TCEANC2: variants seen among roughly 807,000 people sequenced by gnomAD.
The protein encoded by TCEANC2 is transcription elongation factor A N-terminal and central domain containing 2, also known as transcription elongation factor A N-terminal and central domain-containing protein 2.
TCEANC2 carries 20 observed loss-of-function variants against 22.8 expected under a neutral mutation model. The ratio of observed to expected loss-of-function variants is 0.88; its 90% confidence interval spans 0.62 to 1.28. The LOEUF (loss-of-function observed/expected upper bound fraction) is 1.28. TCEANC2 is among the 50% of genes most tolerant of loss of function. TCEANC2 has a pLI of 0.00. For missense variants in TCEANC2, 251 were observed against 249.7 expected, an observed-to-expected ratio of 1.01 and a Z score of -0.03; for synonymous variants, 84 against 95.5, an observed-to-expected ratio of 0.88 and a Z score of 0.70.
intron 3 of TCEANC2, among the ~76,000 whole-genome samples, chr1:54,072,701 A>C (rs763263089): frequency 2.6e-5 from 4 of 152,140 alleles, no homozygotes; most frequent in Admixed American, 6.5e-5. Context: ...GGCCTCCCAA[A>C]GTGCTGGGAT....
chr1:54,068,793 C>T lies in TCEANC2; in HGVS notation c.140C>T (p.Thr47Ile), dbSNP rs150639315. The T allele has an allele frequency of 1.9e-6, 3 of 1,609,232 alleles. No individual in the cohort carries two copies. Among genetic ancestry groups the T allele is most frequent in the African/African-American group, 2.7e-5 (2 of 74,580 alleles). Reference sequence around the variant, plus strand: ...GTAGAAGACATAAAAAGATGGAAAACTATGCTGGAGCTTCCTGATCAAACC... The same window carrying T: ...GTAGAAGACATAAAAAGATGGAAAATTATGCTGGAGCTTCCTGATCAAACC... ...VVVEDIKRWKTMLELPDQTKE... is the reference protein window; with the variant it reads ...VVVEDIKRWKIMLELPDQTKE... Residue 47 changes from threonine (T) to isoleucine (I), a missense_variant, in exon 3 of 5, where the codon ACT becomes ATT. Transcript: ENST00000234827.
intron 3 of TCEANC2, among the ~76,000 whole-genome samples, chr1:54,073,435 C>T (rs1303806887): frequency 6.6e-6 from 1 of 152,228 alleles, no homozygotes; most frequent in African/African-American, 2.4e-5. Context: ...CTCCCCTCCT[C>T]GCTACTGGCC....
Position 54,102,752 on chromosome 1 carries a change from A to G in TCEANC2, c.*6279A>G, listed in dbSNP as rs1570033153. 2 of 152,298 alleles carry G rather than the reference A, an allele frequency of 1.3e-5. No individual in the cohort carries two copies. Among genetic ancestry groups the G allele is most frequent in the Admixed American group, 6.5e-5 (1 of 15,288 alleles). The allele number at this position is 152,298 out of a possible 1,614,324, so 9.4% of individuals were successfully genotyped here. On this transcript the variant is annotated 3_prime_UTR_variant, in exon 5 of 5. Coordinates refer to ENST00000234827, the MANE Select transcript of TCEANC2 (RefSeq NM_153035.3). ...TAGAAGAGAAAAAAAGCCATGCCTT[A>G]TCCTTAGATAGGTCAGCTCAGTGTG...
rs933024422 is a variant in TCEANC2 at position 54,097,464 on chromosome 1, G to A, written c.*991G>A. 3.3e-5 allele frequency: 5 copies of A among 152,106 alleles called. No homozygotes were observed. Among genetic ancestry groups the A allele is most frequent in the African/African-American group, 1.2e-4 (5 of 41,414 alleles). The allele number at this position is 152,106 out of a possible 1,614,324, so 9.4% of individuals were successfully genotyped here. A position where few individuals can be genotyped will look rare whatever the true frequency, so the allele number is the denominator to read the frequency against. ...ATTAGATTAGGGGAGACTGGAGCAC[G>A]TTTGTAATCTGAAAGGAAAGAGCTG... On this transcript the variant is annotated 3_prime_UTR_variant, in exon 5 of 5. Coordinates refer to ENST00000234827, the MANE Select transcript of TCEANC2 (RefSeq NM_153035.3).
intron 2 of TCEANC2, among the ~76,000 whole-genome samples, chr1:54,065,718 T>C (rs891329222): frequency 6.8e-6 from 1 of 147,004 alleles, no homozygotes; most frequent in Admixed American, 6.8e-5. Flanking sequence ...GTCTCAAAAA[T>C]ATATATATAT....
chr1:54,096,519 C>T lies in TCEANC2; in HGVS notation c.*46C>T. 6.4e-7 allele frequency: 1 copy of T among 1,553,576 alleles called. No homozygotes were observed. On this transcript the variant is annotated 3_prime_UTR_variant, in exon 5 of 5. Coordinates refer to ENST00000234827, the MANE Select transcript of TCEANC2 (RefSeq NM_153035.3). The surrounding 1 kb of genome is among the most constrained non-coding windows in gnomAD (Gnocchi z 4.9). The stretch of plus-strand genomic sequence containing the variant: ...TGGGCCAGGCAGAGAGGAAAATGGG[C>T]CTGTCTCTGCCGTTCAAAGACGCTT...
intron 3 of TCEANC2, among the ~76,000 whole-genome samples, chr1:54,087,437 C>T (rs1159707891): frequency 9.2e-5 from 14 of 152,122 alleles, no homozygotes. Context: ...TGTGTTGTTG[C>T]TGAGGTATTT....
intron 3 of TCEANC2, among the ~76,000 whole-genome samples, chr1:54,079,449 T>A (rs982392702): frequency 7.2e-5 from 11 of 152,130 alleles, no homozygotes; most frequent in Non-Finnish European, 1.3e-4. Context: ...AAGGCTAAAA[T>A]CAAAATGATG....
chr1:54,065,524 C>T (rs1051617469), intron 2 of TCEANC2, among the ~76,000 whole-genome samples: 2 of 151,932 alleles, frequency 1.3e-5, no homozygotes, highest in Non-Finnish European at 2.9e-5. Context: ...TCAAGACCAG[C>T]CTGGGCAACA....
chr1:54,107,142 TCTC>T (rs1316025026), downstream of TCEANC2, among the ~76,000 whole-genome samples: 1 of 152,322 alleles, frequency 6.6e-6, no homozygotes, highest in Non-Finnish European at 1.5e-5. Flanking sequence ...GTCTATCCTG[TCTC>T]CTCTGTTCTG....
rs926644773 is a variant in TCEANC2 at position 54,102,446 on chromosome 1, C to T, written c.*5973C>T. The T allele has an allele frequency of 2.0e-5, 3 of 152,230 alleles. No homozygotes were observed. Among genetic ancestry groups the T allele is most frequent in the Non-Finnish European group, 4.4e-5 (3 of 68,044 alleles). The allele number at this position is 152,230 out of a possible 1,614,324, so 9.4% of individuals were successfully genotyped here. ...CAGGGTTCTGGTAGAGACAGATCAT[C>T]AGACCATGGATCATCAAGTTGACCA... On this transcript the variant is annotated 3_prime_UTR_variant, in exon 5 of 5. Transcript: ENST00000234827.
downstream of TCEANC2, among the ~76,000 whole-genome samples, chr1:54,108,367 G>A (rs1253533898): frequency 1.3e-5 from 2 of 152,196 alleles, no homozygotes; most frequent in African/African-American, 4.8e-5. Flanking sequence ...TGTATTTGGA[G>A]ATAGGGCCTT....
Position 54,104,894 on chromosome 1 carries a change from G to A in TCEANC2, c.*8421G>A. 1 of 274,146 alleles carries A rather than the reference G, an allele frequency of 3.6e-6. No individual in the cohort carries two copies. Among genetic ancestry groups the A allele is most frequent in the South Asian group, 3.7e-5 (1 of 27,228 alleles). 17.0% of individuals were successfully genotyped at this position (274,146 alleles called of 1,614,324 possible). ...TACAAGTGCCCAGACCGTGACCTGA[G>A]CAGGATATGCTGACTTCAGGCTCAG... On this transcript the variant is annotated 3_prime_UTR_variant, in exon 5 of 5. Transcript: ENST00000234827.
exon 5 of TCEANC2, chr1:54,112,296 T>C (rs1309943567): frequency 6.6e-6 from 1 of 152,024 alleles, no homozygotes; most frequent in Non-Finnish European, 1.5e-5. Context: ...AGCCGGGAGG[T>C]TGAGGCTGCA....
At position 54,054,503 on chromosome 1, in the gene TCEANC2, G is replaced by A. The variant is rs183773679; in HGVS notation, c.81G>A (p.Gln27=). ...KKDSGGKVYK[Q]ATIESLKRVV... ...ATTCTGGAGGAAAGGTTTACAAGCAGGCCACGATTGAATCTCTGAAGGTGA... is the reference window on the plus strand; with the variant it reads ...ATTCTGGAGGAAAGGTTTACAAGCAAGCCACGATTGAATCTCTGAAGGTGA... The change falls in exon 2 of 5, where the codon CAG becomes CAA. Residue 27 remains glutamine (Q), a synonymous_variant. Transcript: ENST00000234827. 72 of 1,613,380 alleles carry A rather than the reference G, an allele frequency of 4.5e-5. No homozygotes were observed. The East Asian group carries it at 1.5e-3, about 34-fold the overall frequency.
chr1:54,066,221 G>GC (rs1255250723), intron 2 of TCEANC2, among the ~76,000 whole-genome samples: 3 of 151,942 alleles, frequency 2.0e-5, no homozygotes, highest in Non-Finnish European at 1.5e-5. Flanking sequence ...ACTGCACCCA[G>GC]CCTGTGCAAC....
chr1:54,109,683 A>G (rs1658811194), downstream of TCEANC2, among the ~76,000 whole-genome samples: 1 of 152,208 alleles, frequency 6.6e-6, no homozygotes, highest in Admixed American at 6.5e-5. Context: ...CAGGGGCTCT[A>G]TACACATGCA....
chr1:54,054,125 A>G (rs968609764), intron 1 of TCEANC2: 27 of 659,858 alleles, frequency 4.1e-5, no homozygotes, highest in African/African-American at 1.4e-4. Context: ...AATTCCCCCA[A>G]TGTTGGAATC....
chr1:54,093,275 C>G (rs1658481809), intron 4 of TCEANC2, among the ~76,000 whole-genome samples: 1 of 152,148 alleles, frequency 6.6e-6, no homozygotes, highest in Non-Finnish European at 1.5e-5. Flanking sequence ...TCTGGTCCTT[C>G]CACCCAGAAG....
Sources: gnomAD v4.1 joint callset for allele counts (sites outside exome capture counted in the v4.1 genomes callset) on GRCh38, gnomAD v4.1.1 for gene constraint, Gnocchi (gnomAD v3.1) non-coding constraint, MANE v1.5 for transcripts, NCBI Gene and HGNC (gene_info 2026-07-23, HGNC 2026-07-21) for gene names.